Variants in PCYT1B observed in about 807,000 individuals in gnomAD.
The protein encoded by PCYT1B is choline-phosphate cytidylyltransferase B.
In PCYT1B, 10 loss-of-function variants were observed where a neutral mutation model predicts 26.4. That is an observed-to-expected ratio of 0.38 (90% CI 0.23 to 0.64). PCYT1B has a LOEUF of 0.64. Among genes scored for constraint, PCYT1B ranks in the 30% least tolerant of loss-of-function variants. The pLI, the probability that PCYT1B is intolerant of heterozygous loss-of-function variation, is 0.56. For synonymous variants in PCYT1B, 131 were observed against 108.4 expected, an observed-to-expected ratio of 1.21 and a Z score of -1.29; for missense variants, 161 against 292.7, an observed-to-expected ratio of 0.55 and a Z score of 3.28.
intron 1 of PCYT1B, among the ~76,000 whole-genome samples, chrX:24,636,071 G>A (rs1194363334): frequency 2.7e-5 from 3 of 111,452 alleles, no homozygotes; most frequent in South Asian, 3.8e-4. Flanking sequence ...AAGGTGTTTC[G>A]TTCAAGTGCT....
At chrX:24,631,737 G>A (rs1162456516) in intron 1 of PCYT1B, among the ~76,000 whole-genome samples, 5 of 111,899 alleles carry the variant, frequency 4.5e-5, no homozygotes, top group Admixed American at 3.8e-4. Context: ...AGGCCAAGGC[G>A]GGCGGATCAC....
chrX:24,567,037 A>G lies in PCYT1B; in HGVS notation c.898-4532T>C, dbSNP rs1320501035. 8.9e-5 allele frequency among the ~76,000 whole-genome samples: 10 copies of G among 112,412 alleles called. No individual in the cohort carries two copies. The East Asian group carries it at 2.8e-3, about 31-fold the overall frequency. ...TGCTATAAGGATTTGGTGGTCTATT[A>G]TTAACAGCAACATTTAAAAACATTC... On this transcript the variant is annotated intron_variant, in intron 7 of 7. Coordinates refer to ENST00000379144, the MANE Select transcript of PCYT1B (RefSeq NM_004845.5).
At chrX:24,584,371 C>T (rs1924301942) in intron 5 of PCYT1B, among the ~76,000 whole-genome samples, 1 of 112,046 alleles carries the variant, frequency 8.9e-6, no homozygotes, top group African/African-American at 3.2e-5. Context: ...AAATATTAAT[C>T]ACGCCATGCT....
intron 1 of PCYT1B, among the ~76,000 whole-genome samples, chrX:24,641,532 C>T (rs1023692533): frequency 5.4e-5 from 6 of 111,866 alleles, no homozygotes; most frequent in Admixed American, 4.8e-4. Context: ...AAGTATTTAT[C>T]ATTGTAGGTC....
intron 5 of PCYT1B, among the ~76,000 whole-genome samples, chrX:24,583,095 A>G (rs1441449124): frequency 2.7e-5 from 3 of 112,527 alleles, no homozygotes; most frequent in Non-Finnish European, 5.6e-5. Flanking sequence ...TTCCCCTGGA[A>G]TCTGGGCTGG....
At chrX:24,604,246 C>T (rs1376972543) in intron 3 of PCYT1B, among the ~76,000 whole-genome samples, 1 of 109,712 alleles carries the variant, frequency 9.1e-6, no homozygotes, top group Non-Finnish European at 1.9e-5. Context: ...AGCACCATGC[C>T]AGGCTAATTT....
In PCYT1B at chrX:24,558,615, G is replaced by C. The variant is rs988151225; in HGVS notation, c.*3678C>G. 1.9e-5 allele frequency: 2 copies of C among 105,173 alleles called. No homozygotes were observed. The highest frequency in any genetic ancestry group is 3.5e-5 in the African/African-American group (1 of 28,668). 8.7% of individuals were successfully genotyped at this position (105,173 alleles called of 1,213,427 possible). On this transcript the variant is annotated 3_prime_UTR_variant, in exon 8 of 8. Transcript: ENST00000379144. ...CGTGCTCTTCCTGTCCCTCCCTCAG[G>C]GGGTGAAATAACAGTATCTAGTAGC...
At chrX:24,630,163 A>T (rs891235387) in intron 1 of PCYT1B, among the ~76,000 whole-genome samples, 2 of 112,522 alleles carry the variant, frequency 1.8e-5, no homozygotes, top group African/African-American at 3.2e-5. Context: ...TAACAATGTT[A>T]TATCATATTC....
At chrX:24,630,254 TG>T (rs1219036782) in intron 1 of PCYT1B, among the ~76,000 whole-genome samples, 3 of 112,143 alleles carry the variant, frequency 2.7e-5, no homozygotes, top group Non-Finnish European at 5.6e-5. Context: ...TTGCAAGATC[TG>T]GGGTGAGGAG....
At chrX:24,663,940 A>G (rs1160193487) in intron 1 of PCYT1B, among the ~76,000 whole-genome samples, 2 of 110,820 alleles carry the variant, frequency 1.8e-5, no homozygotes, top group South Asian at 3.9e-4. Flanking sequence ...AAAACAAAAC[A>G]AAACAAAACA....
At chrX:24,593,164 G>A (rs1924626824) in intron 3 of PCYT1B, among the ~76,000 whole-genome samples, 1 of 111,531 alleles carries the variant, frequency 9.0e-6, no homozygotes, top group Non-Finnish European at 1.9e-5. Flanking sequence ...CCCGAGGGCA[G>A]GGACTTTTGT....
At chrX:24,620,684 G>A (rs1441295841) in intron 1 of PCYT1B, among the ~76,000 whole-genome samples, 3 of 112,063 alleles carry the variant, frequency 2.7e-5, no homozygotes, top group Non-Finnish European at 5.6e-5. Context: ...GAAAGGAACT[G>A]ACACTCACTA....
Position 24,587,328 on chromosome X carries a change from G to A in PCYT1B, c.487-9C>T, listed in dbSNP as rs1055408603. ...TGAGCCACAAAGTCAATCTGTTGAA[G>A]AGAGAGAAGAGTGATGTCACCACTG... On this transcript the variant is annotated splice_polypyrimidine_tract_variant and intron_variant, in intron 4 of 7. Coordinates refer to ENST00000379144, the MANE Select transcript of PCYT1B (RefSeq NM_004845.5). 1 of 1,128,131 alleles carries A rather than the reference G, an allele frequency of 8.9e-7. No individual in the cohort carries two copies. The highest frequency in any genetic ancestry group is 1.8e-5 in the African/African-American group (1 of 55,632). 93.0% of individuals were successfully genotyped at this position (1,128,131 alleles called of 1,213,427 possible).
intron 1 of PCYT1B, 95 bp downstream of exon 1, chrX:24,646,878 TCATTTACATGAAAATC>T (rs1926644567): frequency 1.7e-6 from 1 of 591,086 alleles, no homozygotes; most frequent in Admixed American, 2.6e-5. Context: ...AGCGCTCTTC[TCATTTACATGAAAATC>T]CTCTAAGCAT....
intron 1 of PCYT1B, among the ~76,000 whole-genome samples, chrX:24,666,642 C>T (rs753725037): frequency 5.0e-4 from 51 of 101,902 alleles, no homozygotes; most frequent in African/African-American, 1.7e-3. Context: ...TGTGTGAGAG[C>T]GAGAGAGAGA....
chrX:24,625,353 A>T (rs1459608341), intron 1 of PCYT1B, among the ~76,000 whole-genome samples: 1 of 111,756 alleles, frequency 8.9e-6, no homozygotes, highest in East Asian at 2.8e-4. Flanking sequence ...TTGTGGAGTC[A>T]GAATATTTTG....
intron 5 of PCYT1B, among the ~76,000 whole-genome samples, chrX:24,585,964 G>A (rs1237354427): frequency 9.0e-6 from 1 of 110,743 alleles, no homozygotes; most frequent in Non-Finnish European, 1.9e-5. Context: ...AGCTTGTCCT[G>A]CCAGTCTCCA....
At chrX:24,629,583 A>AAAAC (rs1222732120) in intron 1 of PCYT1B, among the ~76,000 whole-genome samples, 10 of 100,405 alleles carry the variant, frequency 1.0e-4, no homozygotes, top group African/African-American at 2.8e-4. Context: ...AAAAAAAAAA[A>AAAAC]AAAAAAACAA....
At chrX:24,615,852 A>C (rs1363965355) in intron 2 of PCYT1B, among the ~76,000 whole-genome samples, 1 of 112,067 alleles carries the variant, frequency 8.9e-6, no homozygotes, top group Non-Finnish European at 1.9e-5. Flanking sequence ...CTGTCTGAGC[A>C]TGTTTTCACT....
Sources: gnomAD v4.1 joint callset for allele counts (sites outside exome capture counted in the v4.1 genomes callset) on GRCh38, gnomAD v4.1.1 for gene constraint, MANE v1.5 for transcripts, NCBI Gene and HGNC (gene_info 2026-07-23, HGNC 2026-07-21) for gene names.